C16orf74: variants seen among roughly 807,000 people sequenced by gnomAD.
C16orf74 encodes calcimembrin.
A neutral mutation model predicts 6.5 loss-of-function variants in C16orf74; 10 were observed. That is an observed-to-expected ratio of 1.54 (90% CI 0.95 to 2.61). The LOEUF (loss-of-function observed/expected upper bound fraction) is 2.61, where lower values mean the gene tolerates loss of function less well. C16orf74 is among the 30% of genes most tolerant of loss of function. C16orf74 has a pLI of 0.00. For synonymous variants in C16orf74, 60 were observed against 42.5 expected (o/e 1.41, Z -1.60); for missense variants, 141 against 105.9 (o/e 1.33, Z -1.45).
At chr16:85,731,435 T>C (rs1440613091) in intron 2 of C16orf74, among the ~76,000 whole-genome samples, 1 of 152,108 alleles carries the variant, frequency 6.6e-6, no homozygotes, top group Non-Finnish European at 1.5e-5. Flanking sequence ...GGGGGCATGG[T>C]ACAGGAGGGT....
At chr16:85,744,739 A>G (rs1271279177) in intron 1 of C16orf74, among the ~76,000 whole-genome samples, 1 of 150,168 alleles carries the variant, frequency 6.7e-6, no homozygotes, top group Non-Finnish European at 1.5e-5. Flanking sequence ...CTGAGGCAGG[A>G]GAATGGTGTC....
chr16:85,709,667 C>T (rs890844923), intron 3 of C16orf74, among the ~76,000 whole-genome samples: 63 of 152,218 alleles, frequency 4.1e-4, no homozygotes, highest in African/African-American at 1.4e-3. Flanking sequence ...GCCTCTGTCT[C>T]CCACCTCCTC....
At chr16:85,737,701 G>T (rs1234350153) in intron 1 of C16orf74, among the ~76,000 whole-genome samples, 2 of 152,078 alleles carry the variant, frequency 1.3e-5, no homozygotes, top group African/African-American at 4.8e-5. Context: ...TGTGGTGGTG[G>T]GTGCCTGTAA....
chr16:85,749,561 G>A (rs1040398488), intron 1 of C16orf74, among the ~76,000 whole-genome samples: 2 of 152,260 alleles, frequency 1.3e-5, no homozygotes, highest in Non-Finnish European at 2.9e-5. Context: ...GCAGCCACAG[G>A]CGTGAGCCAC....
At chr16:85,719,473 G>C (rs1343530962) in intron 2 of C16orf74, among the ~76,000 whole-genome samples, 1 of 152,146 alleles carries the variant, frequency 6.6e-6, no homozygotes. Flanking sequence ...TCTGGGCACT[G>C]ATCGTTTGAT....
At position 85,710,357 on chromosome 16, in the gene C16orf74, C is replaced by T. The variant is rs369228649; in HGVS notation, c.29-50G>A. The T allele has an allele frequency of 4.2e-5, 60 of 1,431,110 alleles. 1 individual carries two copies. In the Middle Eastern group the frequency reaches 1.4e-3, roughly 34 times the overall value. The allele number at this position is 1,431,110 out of a possible 1,614,324, so 88.7% of individuals were successfully genotyped here. A position where few individuals can be genotyped will look rare whatever the true frequency, so the allele number is the denominator to read the frequency against. On this transcript the variant is annotated intron_variant, in intron 2 of 3. Coordinates refer to ENST00000284245, the MANE Select transcript of C16orf74 (RefSeq NM_206967.3). ...CACGCACGTACACACGACAGAGAGA[C>T]AGGCATCAGTGGCCGCCGGGAACCG...
rs773512155 is a variant in C16orf74, at chr16:85,746,454, A to G, written c.-19+4472T>C. 2.6e-5 allele frequency among the ~76,000 whole-genome samples: 4 copies of G among 152,206 alleles called. No individual in the cohort carries two copies. In the South Asian group the frequency reaches 8.3e-4, roughly 31 times the overall value. On this transcript the variant is annotated intron_variant, in intron 1 of 3. Coordinates refer to ENST00000284245, the MANE Select transcript of C16orf74 (RefSeq NM_206967.3). ...TCTATTCAAGGTCATCTGATTTCTA[A>G]CGTCTGGCTGTCCCAGATGGGGACC...
chr16:85,749,123 C>G (rs1253173092), intron 1 of C16orf74, among the ~76,000 whole-genome samples: 1 of 150,994 alleles, frequency 6.6e-6, no homozygotes, highest in Non-Finnish European at 1.5e-5. Flanking sequence ...GGGGATTATA[C>G]TTAGCAGGCC....
At chr16:85,749,164 A>G (rs1010757692) in intron 1 of C16orf74, among the ~76,000 whole-genome samples, 3 of 152,124 alleles carry the variant, frequency 2.0e-5, no homozygotes, top group African/African-American at 7.2e-5. Flanking sequence ...CACTGCAGGT[A>G]AGAGCAATTC....
At chr16:85,723,121 G>A (rs1028255267) in intron 2 of C16orf74, among the ~76,000 whole-genome samples, 1 of 152,054 alleles carries the variant, frequency 6.6e-6, no homozygotes, top group Non-Finnish European at 1.5e-5. Context: ...TTAGCCAGGT[G>A]TGGTGGTGCA....
intron 2 of C16orf74, among the ~76,000 whole-genome samples, chr16:85,727,116 G>T (rs769429497): frequency 7.9e-5 from 12 of 152,262 alleles, no homozygotes; most frequent in Non-Finnish European, 1.3e-4. Flanking sequence ...CCAGCGCCCA[G>T]TGCACGGTAG....
chr16:85,721,896 C>T (rs2054086698), intron 2 of C16orf74, among the ~76,000 whole-genome samples: 1 of 151,784 alleles, frequency 6.6e-6, no homozygotes, highest in African/African-American at 2.4e-5. Flanking sequence ...CTTACCCTCT[C>T]TGTCACCTAC....
intron 1 of C16orf74, among the ~76,000 whole-genome samples, chr16:85,748,056 A>G (rs1387578970): frequency 1.5e-5 from 1 of 68,490 alleles, no homozygotes; most frequent in African/African-American, 3.2e-5. Context: ...ACTGCACTCC[A>G]GCCTGGGTGA....
At chr16:85,725,626 G>A (rs2152061517) in intron 2 of C16orf74, among the ~76,000 whole-genome samples, 1 of 152,248 alleles carries the variant, frequency 6.6e-6, no homozygotes, top group Admixed American at 6.5e-5. Context: ...TCTGTTGCCA[G>A]GCTGGAGTGC....
chr16:85,749,582 C>T lies in C16orf74; in HGVS notation c.-19+1344G>A, dbSNP rs753633904. ...ACAGGCGTGAGCCACTGTGCCTGGC[C>T]CTGTTTCCTCATCTTTAAAATGGGG... On this transcript the variant is annotated intron_variant, in intron 1 of 3. Coordinates refer to ENST00000284245, the MANE Select transcript of C16orf74 (RefSeq NM_206967.3). 2.1e-4 allele frequency among the ~76,000 whole-genome samples: 32 copies of T among 152,202 alleles called. 1 individual carries two copies. The highest frequency in any genetic ancestry group is 4.0e-4 in the Non-Finnish European group (27 of 68,038).
chr16:85,710,132 AC>A, intron 3 of C16orf74, 31 bp downstream of exon 3: 1 of 1,390,684 alleles, frequency 7.2e-7, no homozygotes, highest in Non-Finnish European at 9.3e-7. Flanking sequence ...CCCACAGCCG[AC>A]CCGGCTTGGC....
chr16:85,735,283 G>A, intron 1 of C16orf74, 48 bp from the exon 2 acceptor site: 1 of 1,434,674 alleles, frequency 7.0e-7, no homozygotes, highest in Admixed American at 2.2e-5. Flanking sequence ...CGACTTGTTT[G>A]TATTGGCCAC....
intron 2 of C16orf74, among the ~76,000 whole-genome samples, chr16:85,727,941 A>G (rs1425279505): frequency 6.7e-6 from 1 of 149,914 alleles, no homozygotes; most frequent in Non-Finnish European, 1.5e-5. Flanking sequence ...TAGCCCGAGC[A>G]ACAAAGCGAG....
intron 1 of C16orf74, chr16:85,743,757 A>G (rs1032488461): frequency 2.6e-5 from 4 of 152,126 alleles, no homozygotes; most frequent in African/African-American, 9.7e-5. Flanking sequence ...TGTCTCTACT[A>G]AAAATACAAA....
Sources: allele counts gnomAD v4.1 joint callset (sites outside exome capture counted in the v4.1 genomes callset), GRCh38; gene constraint gnomAD v4.1.1; transcripts MANE v1.5; gene names NCBI Gene and HGNC (gene_info 2026-07-23, HGNC 2026-07-21).